PRDM5: variants seen among roughly 807,000 people sequenced by gnomAD.
The protein encoded by PRDM5 is PR/SET domain 5, also known as PR domain zinc finger protein 5.
Under a neutral mutation model 81.2 loss-of-function variants are expected in PRDM5, and 56 were observed. The observed-to-expected ratio is 0.69, with a 90% CI of 0.56 to 0.86. The LOEUF (loss-of-function observed/expected upper bound fraction) is 0.86, where lower values mean the gene tolerates loss of function less well. PRDM5 is among the 40% of genes least tolerant of loss of function. The probability of loss-of-function intolerance (pLI) is 0.00; values close to 1 mark genes in which losing one functional copy is unlikely to be tolerated. For missense variants in PRDM5, 697 were observed against 770.1 expected, an observed-to-expected ratio of 0.91 and a Z score of 1.12; for synonymous variants, 267 against 256.4, an observed-to-expected ratio of 1.04 and a Z score of -0.39.
chr4:120,912,776 A>T (rs1766664148), intron 1 of PRDM5, among the ~76,000 whole-genome samples: 1 of 152,220 alleles, frequency 6.6e-6, no homozygotes, highest in African/African-American at 2.4e-5. Flanking sequence ...GAAATAGTTC[A>T]GAAATAAAAA....
At chr4:120,848,174 T>C (rs1433022464) in intron 3 of PRDM5, among the ~76,000 whole-genome samples, 6 of 152,152 alleles carry the variant, frequency 3.9e-5, no homozygotes, top group Non-Finnish European at 8.8e-5. Flanking sequence ...TGCTTTATAA[T>C]GGATTAAGGA....
At chr4:120,777,342 A>G in intron 12 of PRDM5, 61 bp from the exon 13 acceptor site, 1 of 1,609,644 alleles carries the variant, frequency 6.2e-7, no homozygotes, top group Non-Finnish European at 8.5e-7. Context: ...AAGATGATTA[A>G]ATGCCTCTGA....
intron 9 of PRDM5, among the ~76,000 whole-genome samples, chr4:120,799,366 C>G (rs766809443): frequency 1.3e-5 from 2 of 152,222 alleles, no homozygotes; most frequent in East Asian, 1.9e-4. Context: ...AGGTAGGCAC[C>G]AGTATCCCAT....
At chr4:120,882,427 C>T (rs570755710) in intron 2 of PRDM5, among the ~76,000 whole-genome samples, 23 of 152,262 alleles carry the variant, frequency 1.5e-4, no homozygotes, top group African/African-American at 5.5e-4. Context: ...GGATTACAGA[C>T]GTGAACCACC....
intron 14 of PRDM5, among the ~76,000 whole-genome samples, chr4:120,737,125 G>T (rs558762401): frequency 7.2e-5 from 11 of 152,156 alleles, no homozygotes; most frequent in Non-Finnish European, 1.6e-4. Flanking sequence ...ACTAGGGTGA[G>T]AGTGGCTTCA....
In PRDM5 at chr4:120,908,376, C is replaced by T. The variant is rs148437139; in HGVS notation, c.94-819G>A. Among the ~76,000 whole-genome samples the T allele has an allele frequency of 2.6e-4, 40 of 152,256 alleles. No homozygotes were observed. The East Asian group carries it at 6.9e-3, about 26-fold the overall frequency. The stretch of plus-strand genomic sequence containing the variant: ...GAGCCACTCATGCTTCTAAACCTGC[C>T]TATGACTATTTTTCAGCAGAATCCT... On this transcript the variant is annotated intron_variant, in intron 1 of 15. Transcript: ENST00000264808.
intron 14 of PRDM5, among the ~76,000 whole-genome samples, chr4:120,714,776 C>T (rs1309221900): frequency 6.6e-6 from 1 of 152,096 alleles, no homozygotes; most frequent in Non-Finnish European, 1.5e-5. Context: ...GTAAGTCCCT[C>T]CAGACAGCAT....
intron 10 of PRDM5, among the ~76,000 whole-genome samples, chr4:120,795,584 T>G (rs1242354208): frequency 2.1e-5 from 3 of 142,240 alleles, no homozygotes. Flanking sequence ...AGTAACTAAA[T>G]TTTCAAAAAA....
At chr4:120,824,493 T>A (rs939288443) in intron 3 of PRDM5, among the ~76,000 whole-genome samples, 38 of 152,168 alleles carry the variant, frequency 2.5e-4, no homozygotes, top group Non-Finnish European at 3.5e-4. Context: ...TTGTTCAACA[T>A]CAAGGCCTGC....
At chr4:120,731,966 G>GTA in intron 14 of PRDM5, among the ~76,000 whole-genome samples, 1 of 152,274 alleles carries the variant, frequency 6.6e-6, no homozygotes, top group East Asian at 1.9e-4. Flanking sequence ...AATATTAAGG[G>GTA]TATAATTCTG....
chr4:120,839,833 C>A (rs1578943344), intron 3 of PRDM5, among the ~76,000 whole-genome samples: 1 of 152,168 alleles, frequency 6.6e-6, no homozygotes, highest in African/African-American at 2.4e-5. Context: ...CGGTTTCCAA[C>A]CCCCCCACAC....
intron 3 of PRDM5, 77 bp from the exon 4 acceptor site, chr4:120,821,422 A>C: frequency 7.4e-7 from 1 of 1,356,088 alleles, no homozygotes; most frequent in Non-Finnish European, 1.0e-6. Context: ...AAGATACATT[A>C]ATGGAGTACT....
intron 4 of PRDM5, among the ~76,000 whole-genome samples, chr4:120,820,919 C>CTGCCCTAGCAA (rs1427552626): frequency 6.6e-6 from 1 of 152,230 alleles, no homozygotes; most frequent in Non-Finnish European, 1.5e-5. Flanking sequence ...GAGCCGGGAG[C>CTGCCCTAGCAA]TGCCCTAGCA....
At chr4:120,688,025 C>T (rs1578549822), downstream of PRDM5, among the ~76,000 whole-genome samples, 2 of 152,054 alleles carry the variant, frequency 1.3e-5, no homozygotes, top group South Asian at 2.1e-4. Flanking sequence ...CTGGATCATA[C>T]GGTCTTTTTA....
chr4:120,816,282 G>A, intron 7 of PRDM5, 171 bp downstream of exon 7: 2 of 998,634 alleles, frequency 2.0e-6, no homozygotes, highest in Non-Finnish European at 3.0e-6. Context: ...AATTCAACCT[G>A]AGAAAGAAAT....
chr4:120,792,903 G>A (rs546483439), intron 10 of PRDM5, among the ~76,000 whole-genome samples: 3 of 152,126 alleles, frequency 2.0e-5, no homozygotes, highest in Non-Finnish European at 2.9e-5. Flanking sequence ...CCAGGAACTA[G>A]GGGTAGAGGT....
intron 1 of PRDM5, among the ~76,000 whole-genome samples, chr4:120,917,215 C>T (rs1291473385): frequency 2.0e-5 from 3 of 152,268 alleles, no homozygotes; most frequent in Admixed American, 2.0e-4. Context: ...AGGCAAACTC[C>T]CGTCTTAGGT....
chr4:120,776,613 C>T (rs1271462694), intron 13 of PRDM5, among the ~76,000 whole-genome samples: 1 of 152,188 alleles, frequency 6.6e-6, no homozygotes. Context: ...AGAATCCAGA[C>T]AAGGTTTTTG....
At chr4:120,919,017 G>C (rs1319500874) in intron 1 of PRDM5, among the ~76,000 whole-genome samples, 2 of 152,170 alleles carry the variant, frequency 1.3e-5, no homozygotes, top group African/African-American at 2.4e-5. Context: ...CACTTTGAAA[G>C]AGGAAGAACT....
Sources: allele counts gnomAD v4.1 joint callset (sites outside exome capture counted in the v4.1 genomes callset), GRCh38; gene constraint gnomAD v4.1.1; transcripts MANE v1.5; gene names NCBI Gene and HGNC (gene_info 2026-07-23, HGNC 2026-07-21).